CNTNAP5: variants seen among roughly 807,000 people sequenced by gnomAD.
The protein encoded by CNTNAP5 is contactin-associated protein-like 5.
A neutral mutation model predicts 150.2 loss-of-function variants in CNTNAP5; 72 were observed. The ratio of observed to expected loss-of-function variants is 0.48; its 90% CI spans 0.40 to 0.58. The LOEUF (loss-of-function observed/expected upper bound fraction) is 0.58, where lower values mean the gene tolerates loss of function less well. Among genes scored for constraint, CNTNAP5 ranks in the 20% least tolerant of loss-of-function variants. The pLI is 0.00. For synonymous variants in CNTNAP5, 672 were observed against 619.8 expected (o/e 1.08, Z -1.25); for missense variants, 1,636 against 1,626.2 (o/e 1.01, Z -0.10).
chr2:124,835,220 G>A (rs1682804214), intron 19 of CNTNAP5, among the ~76,000 whole-genome samples: 1 of 151,568 alleles, frequency 6.6e-6, no homozygotes, highest in African/African-American at 2.4e-5. Context: ...AGATTATGTA[G>A]TTTGTTTTCA....
intron 13 of CNTNAP5, among the ~76,000 whole-genome samples, chr2:124,746,868 C>A (rs1487265668): frequency 6.6e-6 from 1 of 152,138 alleles, no homozygotes; most frequent in South Asian, 2.1e-4. Context: ...TACGACACTG[C>A]CTCTCAGCAT....
chr2:124,375,975 C>T (rs10194909), intron 3 of CNTNAP5, among the ~76,000 whole-genome samples: 7,126 of 152,070 alleles, frequency 0.047, 510 homozygotes, highest in African/African-American at 0.15. Flanking sequence ...TCATTCCAGG[C>T]TTTGGCCTGC....
intron 16 of CNTNAP5, among the ~76,000 whole-genome samples, chr2:124,766,596 G>T (rs773638421): frequency 2.0e-5 from 3 of 152,106 alleles, no homozygotes; most frequent in African/African-American, 4.8e-5. Context: ...TGTGGCTTTG[G>T]TGTGAAACAA....
chr2:124,212,304 T>C (rs1377159389), intron 1 of CNTNAP5, among the ~76,000 whole-genome samples: 1 of 152,158 alleles, frequency 6.6e-6, no homozygotes, highest in African/African-American at 2.4e-5. Context: ...AATTTGGCAC[T>C]ACTTTGTAAT....
At chr2:124,883,879 CAT>C (rs1168132556) in intron 21 of CNTNAP5, among the ~76,000 whole-genome samples, 4 of 152,034 alleles carry the variant, frequency 2.6e-5, no homozygotes, top group African/African-American at 9.7e-5. Context: ...TGTGTATATA[CAT>C]ATGTCTGTGT....
chr2:124,769,216 A>G (rs1343190437), intron 16 of CNTNAP5, among the ~76,000 whole-genome samples: 1 of 152,118 alleles, frequency 6.6e-6, no homozygotes, highest in Non-Finnish European at 1.5e-5. Flanking sequence ...ATCATGCAGG[A>G]GTCTTCTTAG....
At position 124,847,686 on chromosome 2, in the gene CNTNAP5, G is replaced by A. The variant is rs1373777513; in HGVS notation, c.3218-17620G>A. Reference sequence around the variant, plus strand: ...GGTAGTTCTTGGAGCAAAAGTTTACGACGTGAGTCTCCACACACTGCTCTG... The same window carrying A: ...GGTAGTTCTTGGAGCAAAAGTTTACAACGTGAGTCTCCACACACTGCTCTG... On this transcript the variant is annotated intron_variant, in intron 19 of 23. Coordinates refer to ENST00000682447, the MANE Select transcript of CNTNAP5 (RefSeq NM_001367498.1). 3.3e-5 allele frequency among the ~76,000 whole-genome samples: 5 copies of A among 152,224 alleles called. No individual in the cohort carries two copies. The East Asian group carries it at 7.7e-4, about 24-fold the overall frequency.
At chr2:124,145,960 G>T (rs1684242283) in intron 1 of CNTNAP5, among the ~76,000 whole-genome samples, 1 of 151,924 alleles carries the variant, frequency 6.6e-6, no homozygotes, top group South Asian at 2.1e-4. Flanking sequence ...TCCATTGCTG[G>T]GGTGTTGAAT....
intron 19 of CNTNAP5, among the ~76,000 whole-genome samples, chr2:124,825,633 T>C (rs1213606025): frequency 6.6e-6 from 1 of 152,072 alleles, no homozygotes; most frequent in Non-Finnish European, 1.5e-5. Context: ...GCTTTTGAAA[T>C]GGGAAACACT....
intron 8 of CNTNAP5, among the ~76,000 whole-genome samples, chr2:124,517,741 T>G (rs377210742): frequency 6.8e-3 from 541 of 79,878 alleles, no homozygotes; most frequent in Middle Eastern, 0.053. Context: ...ATGGAGGGTT[T>G]TGGTGTTGGT....
intron 13 of CNTNAP5, among the ~76,000 whole-genome samples, chr2:124,680,265 A>T (rs550442613): frequency 6.6e-6 from 1 of 151,790 alleles, no homozygotes; most frequent in Non-Finnish European, 1.5e-5. Context: ...GGAAGTTTCC[A>T]TGGTATTCAG....
chr2:124,419,505 G>T (rs939404820), intron 4 of CNTNAP5, among the ~76,000 whole-genome samples: 3 of 152,194 alleles, frequency 2.0e-5, no homozygotes, highest in Non-Finnish European at 2.9e-5. Context: ...TACAGTATGA[G>T]AAGGTTCAGA....
chr2:124,264,022 C>T (rs1558825397), intron 3 of CNTNAP5, among the ~76,000 whole-genome samples: 1 of 151,968 alleles, frequency 6.6e-6, no homozygotes, highest in Admixed American at 6.6e-5. Context: ...TGTTTTAGTA[C>T]CAGTACCATG....
intron 1 of CNTNAP5, among the ~76,000 whole-genome samples, chr2:124,200,905 G>A (rs943941862): frequency 6.6e-6 from 1 of 152,108 alleles, no homozygotes; most frequent in Non-Finnish European, 1.5e-5. Context: ...TTTGTCTTCT[G>A]TAGCAGAGCC....
chr2:124,300,572 A>G (rs1688549023), intron 3 of CNTNAP5, among the ~76,000 whole-genome samples: 1 of 152,156 alleles, frequency 6.6e-6, no homozygotes, highest in South Asian at 2.1e-4. Flanking sequence ...CAGGTCTGCA[A>G]TGCCTCCTGT....
chr2:124,857,200 AT>A (rs201466707), intron 19 of CNTNAP5, among the ~76,000 whole-genome samples: 32 of 151,064 alleles, frequency 2.1e-4, no homozygotes, highest in African/African-American at 6.6e-4. Context: ...GCAGCTCTAC[AT>A]TTTTTTTTCT....
At chr2:124,311,055 C>T (rs1051859712) in intron 3 of CNTNAP5, among the ~76,000 whole-genome samples, 3 of 152,214 alleles carry the variant, frequency 2.0e-5, no homozygotes, top group Non-Finnish European at 1.5e-5. Context: ...GGGTTCCTTA[C>T]TCTGATACTG....
intron 21 of CNTNAP5, among the ~76,000 whole-genome samples, chr2:124,886,277 G>A (rs950575679): frequency 6.6e-6 from 1 of 151,996 alleles, no homozygotes; most frequent in Non-Finnish European, 1.5e-5. Context: ...CTAATATGTG[G>A]TTCAAGGAGA....
intron 3 of CNTNAP5, among the ~76,000 whole-genome samples, chr2:124,281,729 A>G (rs1688016302): frequency 6.6e-6 from 1 of 152,106 alleles, no homozygotes; most frequent in Non-Finnish European, 1.5e-5. Flanking sequence ...TTTTTTCTGC[A>G]GTGGTTTCAC....
Sources: allele counts gnomAD v4.1 joint callset (sites outside exome capture counted in the v4.1 genomes callset), GRCh38; gene constraint gnomAD v4.1.1; transcripts MANE v1.5; gene names NCBI Gene and HGNC (gene_info 2026-07-23, HGNC 2026-07-21).